RIPK1: variants seen among roughly 807,000 people sequenced by gnomAD.
RIPK1 encodes receptor-interacting serine/threonine-protein kinase 1.
RIPK1 carries 27 observed loss-of-function variants against 62.4 expected under a neutral mutation model. The observed-to-expected ratio is 0.43, with a 90% CI of 0.32 to 0.60. The LOEUF (loss-of-function observed/expected upper bound fraction) is 0.60, where lower values mean the gene tolerates loss of function less well. Among genes scored for constraint, RIPK1 ranks in the 20% least tolerant of loss-of-function variants. The pLI is 0.07. For synonymous variants in RIPK1, 287 were observed against 303.2 expected (o/e 0.95, Z 0.55); for missense variants, 735 against 831.0 (o/e 0.88, Z 1.42).
intron 7 of RIPK1, among the ~76,000 whole-genome samples, chr6:3,094,357 T>C (rs1191615135): frequency 6.6e-5 from 10 of 152,202 alleles, no homozygotes; most frequent in Non-Finnish European, 1.3e-4. Context: ...TCTGAGTATA[T>C]TTCAATTATG....
chr6:3,101,318 G>A (rs568180485), intron 7 of RIPK1, among the ~76,000 whole-genome samples: 1 of 152,318 alleles, frequency 6.6e-6, no homozygotes, highest in African/African-American at 2.4e-5. Context: ...AGCTGGGTGA[G>A]GTGGCTCATG....
intron 7 of RIPK1, among the ~76,000 whole-genome samples, chr6:3,090,850 G>A (rs1480082546): frequency 1.9e-5 from 2 of 104,382 alleles, no homozygotes; most frequent in East Asian, 5.4e-4. Flanking sequence ...CCTAGTAACC[G>A]CAGAGTACCT....
intron 6 of RIPK1, among the ~76,000 whole-genome samples, chr6:3,087,876 C>T (rs1759813705): frequency 6.6e-6 from 1 of 152,148 alleles, no homozygotes; most frequent in South Asian, 2.1e-4. Context: ...TTAAAGTTTT[C>T]AGCTCTAAAA....
chr6:3,080,506 CTTT>C (rs971109062), intron 3 of RIPK1, among the ~76,000 whole-genome samples: 5 of 152,068 alleles, frequency 3.3e-5, no homozygotes, highest in African/African-American at 9.7e-5. Flanking sequence ...CCCTTGTATT[CTTT>C]TTTCTCTTAA....
chr6:3,088,984 A>G (rs887472020), intron 6 of RIPK1, among the ~76,000 whole-genome samples: 7 of 152,306 alleles, frequency 4.6e-5, no homozygotes, highest in East Asian at 1.9e-4. Flanking sequence ...TGAACTCACT[A>G]TCGTGTGTTT....
chr6:3,079,236 T>G (rs1230261586), intron 3 of RIPK1, among the ~76,000 whole-genome samples: 5 of 152,190 alleles, frequency 3.3e-5, no homozygotes. Context: ...CCTACCACCA[T>G]GCCTGGCTAT....
chr6:3,109,916 A>G (rs1761066698), intron 9 of RIPK1, among the ~76,000 whole-genome samples: 1 of 152,154 alleles, frequency 6.6e-6, no homozygotes, highest in Non-Finnish European at 1.5e-5. Context: ...TCATTCACTT[A>G]GGAAATGTCC....
At chr6:3,106,595 C>A (rs373344274) in intron 9 of RIPK1, among the ~76,000 whole-genome samples, 11 of 152,296 alleles carry the variant, frequency 7.2e-5, no homozygotes, top group African/African-American at 2.6e-4. Context: ...AAATAATACT[C>A]ACCAACATCA....
At chr6:3,064,705 G>A (rs902574535), upstream of RIPK1, among the ~76,000 whole-genome samples, 5 of 152,124 alleles carry the variant, frequency 3.3e-5, no homozygotes, top group African/African-American at 1.2e-4. Context: ...AGAGCCTCCG[G>A]GCCGCGGTGT....
rs1430131030 is a variant in RIPK1 at position 3,113,249 on chromosome 6, G to A, written c.1926G>A (p.Lys642=). The A allele has an allele frequency of 6.2e-7, 1 of 1,614,012 alleles. No homozygotes were observed. Among genetic ancestry groups the A allele is most frequent in the Non-Finnish European group, 8.5e-7 (1 of 1,180,016 alleles). Residue 642 remains lysine (K), a synonymous_variant, in exon 11 of 11, where the codon AAG becomes AAA. Transcript: ENST00000259808. The surrounding 1 kb of genome is among the most constrained non-coding windows in gnomAD (Gnocchi z 5.0). The stretch of plus-strand genomic sequence containing the variant: ...AGTGGGTGATGAGGGAAGGCATAAA[G>A]GGAGCCACGGTGGGGAAGCTGGCCC... ...LQKWVMREGI[K]GATVGKLAQA...
rs1172996979 is a variant in RIPK1, at chr6:3,110,905, C to G, written c.1679C>G (p.Thr560Arg). The G allele has an allele frequency of 5.6e-6, 9 of 1,613,374 alleles. No individual in the cohort carries two copies. The highest frequency in any genetic ancestry group is 7.6e-6 in the Non-Finnish European group (9 of 1,179,560). The change falls in exon 10 of 11, where the codon ACA becomes AGA. Residue 560 changes from threonine (T) to arginine (R), a missense_variant. Physicochemically the swap from Thr to Arg is moderately conservative, Grantham distance 71. Coordinates refer to ENST00000259808, the MANE Select transcript of RIPK1 (RefSeq NM_001354930.2). ...GGTSSSLLDS[T>R]NTNFKEEPAA... Reference sequence around the variant, plus strand: ...ACGAGTTCATCACTACTAGACAGCACAAATACGAACTTCAAAGAAGAGCCA... The same window carrying G: ...ACGAGTTCATCACTACTAGACAGCAGAAATACGAACTTCAAAGAAGAGCCA...
At position 3,106,147 on chromosome 6, in the gene RIPK1, G is replaced by A. The variant is rs375107670; in HGVS notation, c.1576+96G>A. 415 of 943,192 alleles carry A rather than the reference G, an allele frequency of 4.4e-4. 1 individual carries two copies. The African/African-American group carries it at 6.4e-3, about 15-fold the overall frequency. 58.4% of individuals were successfully genotyped at this position (943,192 alleles called of 1,614,324 possible). A position where few individuals can be genotyped will look rare whatever the true frequency, so the allele number is the denominator to read the frequency against. On this transcript the variant is annotated intron_variant, in intron 9 of 10. Coordinates refer to ENST00000259808, the MANE Select transcript of RIPK1 (RefSeq NM_001354930.2). ...CTATTATAGATTGTGGGTTATAATG[G>A]GGACAGAGGGCATCATCAGCTGCCA...
chr6:3,090,715 C>T (rs1204382946), intron 7 of RIPK1, among the ~76,000 whole-genome samples: 1 of 152,076 alleles, frequency 6.6e-6, no homozygotes, highest in Non-Finnish European at 1.5e-5. Flanking sequence ...GACGAACACA[C>T]TTGACGTAAC....
chr6:3,108,354 G>A (rs973890414), intron 9 of RIPK1, among the ~76,000 whole-genome samples: 8 of 152,080 alleles, frequency 5.3e-5, no homozygotes, highest in African/African-American at 1.7e-4. Flanking sequence ...TATATTATCA[G>A]CTCTAGTATG....
chr6:3,085,190 T>C, intron 5 of RIPK1, 69 bp from the exon 6 acceptor site: 1 of 1,555,032 alleles, frequency 6.4e-7, no homozygotes, highest in Admixed American at 1.7e-5. Flanking sequence ...ATGAGCAGTA[T>C]TGTTCAAGTT....
intron 10 of RIPK1, among the ~76,000 whole-genome samples, chr6:3,111,454 T>G (rs1214589134): frequency 6.6e-6 from 1 of 151,924 alleles, no homozygotes; most frequent in Non-Finnish European, 1.5e-5. Flanking sequence ...GAAAAAGTCA[T>G]GAGGCCAAAA....
Position 3,113,219 on chromosome 6 carries a change from C to T in RIPK1, c.1896C>T (p.Leu632=), listed in dbSNP as rs1446261532. The T allele has an allele frequency of 6.2e-7, 1 of 1,613,984 alleles. No individual in the cohort carries two copies. The part of the protein sequence containing the change: ...DGLKEKVYQM[L]QKWVMREGIK... ...TGAAAGAAAAGGTTTACCAGATGCT[C>T]CAAAAGTGGGTGATGAGGGAAGGCA... Residue 632 remains leucine, a synonymous_variant, in exon 11 of 11, where the codon CTC becomes CTT. Coordinates refer to ENST00000259808, the MANE Select transcript of RIPK1 (RefSeq NM_001354930.2). The surrounding 1 kb of genome is among the most constrained non-coding windows in gnomAD (Gnocchi z 5.0).
At chr6:3,104,358 G>A (rs1376506013) in intron 8 of RIPK1, 43 bp downstream of exon 8, 1 of 1,080,002 alleles carries the variant, frequency 9.3e-7, no homozygotes, top group Non-Finnish European at 1.4e-6. Context: ...TATTTGTTTG[G>A]TTACTCATTC....
At chr6:3,077,667 G>C in intron 2 of RIPK1, 112 bp from the exon 3 acceptor site, 1 of 1,217,058 alleles carries the variant, frequency 8.2e-7, no homozygotes, top group South Asian at 1.4e-5. Context: ...GAAGAGATCG[G>C]TACAGACCCA....
Sources: allele counts gnomAD v4.1 joint callset (sites outside exome capture counted in the v4.1 genomes callset), GRCh38; gene constraint gnomAD v4.1.1; non-coding constraint Gnocchi (gnomAD v3.1); transcripts MANE v1.5; gene names NCBI Gene and HGNC (gene_info 2026-07-23, HGNC 2026-07-21).